The following PALM2AKAP2 variants were observed in gnomAD, a reference collection of about 807,000 sequenced individuals.
PALM2AKAP2 encodes the protein PALM2 and AKAP2 fusion, also known as PALM2-AKAP2 fusion protein.
PALM2AKAP2 carries 37 observed loss-of-function variants against 71.5 expected under a neutral mutation model. The ratio of observed to expected loss-of-function variants is 0.52; its 90% CI spans 0.40 to 0.68. The LOEUF is 0.68. Ranked by LOEUF, PALM2AKAP2 falls within the 30% of genes least tolerant of loss-of-function variation. The probability of loss-of-function intolerance (pLI) is 0.00; values close to 1 mark genes in which losing one functional copy is unlikely to be tolerated. For missense variants in PALM2AKAP2, 1,224 were observed against 1,191.8 expected (o/e 1.03, Z -0.40); for synonymous variants, 468 against 478.8 (o/e 0.98, Z 0.29).
At chr9:110,009,671 G>A (rs1008895461) in intron 6 of PALM2AKAP2, among the ~76,000 whole-genome samples, 1 of 145,164 alleles carries the variant, frequency 6.9e-6, no homozygotes, top group Non-Finnish European at 1.5e-5. Context: ...CTGAGATCAC[G>A]CCACTGCACT....
chr9:110,016,598 T>A (rs1832983908), intron 7 of PALM2AKAP2, among the ~76,000 whole-genome samples: 1 of 152,184 alleles, frequency 6.6e-6, no homozygotes, highest in South Asian at 2.1e-4. Context: ...TAACTATCAC[T>A]GTTCAAATTA....
At chr9:110,156,436 C>A (rs770039782) in exon 3 of PALM2AKAP2, 28 of 1,612,826 alleles carry the variant, frequency 1.7e-5, no homozygotes, top group Non-Finnish European at 2.4e-5. Context: ...CTGATGCAGA[C>A]CCTCATGGAA....
rs183348203 is a variant in PALM2AKAP2, at chr9:109,692,172, T to C, written c.5+51306T>C. 3.9e-3 allele frequency among the ~76,000 whole-genome samples: 591 copies of C among 151,414 alleles called. 5 individuals carry two copies. Among genetic ancestry groups the C allele is most frequent in the African/African-American group, 0.013 (523 of 41,404 alleles). Reference sequence around the variant, plus strand: ...AATGGTTTTTACTATATTCATAAAGTTGTGCAAAAATCACCATTTCATAGT... The same window carrying C: ...AATGGTTTTTACTATATTCATAAAGCTGTGCAAAAATCACCATTTCATAGT... On this transcript the variant is annotated intron_variant, in intron 1 of 6. Coordinates refer to the PALM2AKAP2 transcript ENST00000374531.
At chr9:110,030,658 C>T (rs1190200112) in intron 7 of PALM2AKAP2, among the ~76,000 whole-genome samples, 2 of 152,196 alleles carry the variant, frequency 1.3e-5, no homozygotes, top group African/African-American at 4.8e-5. Context: ...GCTCCTATCT[C>T]GATAAATTAT....
At chr9:109,889,386 C>G (rs1189807764) in intron 3 of PALM2AKAP2, among the ~76,000 whole-genome samples, 2 of 152,120 alleles carry the variant, frequency 1.3e-5, no homozygotes, top group Admixed American at 1.3e-4. Flanking sequence ...ACAGTCTCTC[C>G]CCAAAGCCTG....
In PALM2AKAP2 at chr9:110,168,578, G is replaced by C. The variant is rs1564345462; in HGVS notation, c.*81G>C. The C allele has an allele frequency of 4.0e-6, 6 of 1,501,456 alleles. No individual in the cohort carries two copies. In the East Asian group the frequency reaches 1.4e-4, roughly 35 times the overall value. The allele number at this position is 1,501,456 out of a possible 1,614,324, so 93.0% of individuals were successfully genotyped here. A position where few individuals can be genotyped will look rare whatever the true frequency, so the allele number is the denominator to read the frequency against. On this transcript the variant is annotated 3_prime_UTR_variant, in exon 4 of 4. Coordinates refer to ENST00000374525, the Ensembl canonical transcript of PALM2AKAP2. ...ATTAACAACTGAAAGCATTTTAATGGACTATTTATTAAAGTGCAAACAAAC... is the reference window on the plus strand; with the variant it reads ...ATTAACAACTGAAAGCATTTTAATGCACTATTTATTAAAGTGCAAACAAAC...
chr9:110,084,893 G>A (rs749530703), intron 1 of PALM2AKAP2, among the ~76,000 whole-genome samples: 6 of 148,380 alleles, frequency 4.0e-5, no homozygotes, highest in South Asian at 2.3e-4. Flanking sequence ...GTGCCACCAC[G>A]CCCAGCTGAT....
intron 1 of PALM2AKAP2, among the ~76,000 whole-genome samples, chr9:109,804,241 C>T (rs1827515422): frequency 6.6e-6 from 1 of 152,056 alleles, no homozygotes; most frequent in Non-Finnish European, 1.5e-5. Context: ...CAAAACAGAG[C>T]ATGGCATGGA....
At chr9:110,145,278 C>T (rs773980103) in intron 2 of PALM2AKAP2, among the ~76,000 whole-genome samples, 15 of 152,154 alleles carry the variant, frequency 9.9e-5, no homozygotes, top group Non-Finnish European at 1.6e-4. Flanking sequence ...TTACAGTAGG[C>T]AAAAGCACTC....
intron 1 of PALM2AKAP2, among the ~76,000 whole-genome samples, chr9:109,829,309 C>A (rs1342426500): frequency 6.6e-6 from 1 of 152,176 alleles, no homozygotes; most frequent in East Asian, 1.9e-4. Flanking sequence ...TGCATTCCAT[C>A]CAAGTATGTC....
exon 2 of PALM2AKAP2, chr9:110,136,336 G>A (rs1039345724): frequency 5.6e-6 from 9 of 1,613,928 alleles, no homozygotes; most frequent in Admixed American, 1.7e-5. Flanking sequence ...ATTCACCCCC[G>A]CATAATGGCC....
chr9:109,754,272 A>G (rs1414694430), intron 1 of PALM2AKAP2, among the ~76,000 whole-genome samples: 1 of 152,194 alleles, frequency 6.6e-6, no homozygotes, highest in Non-Finnish European at 1.5e-5. Flanking sequence ...CAGGACTACA[A>G]AGTAGAACTT....
intron 1 of PALM2AKAP2, among the ~76,000 whole-genome samples, chr9:109,741,354 T>A (rs1013256115): frequency 6.6e-6 from 1 of 152,236 alleles, no homozygotes; most frequent in African/African-American, 2.4e-5. Context: ...TTATTCATTT[T>A]CCTGTTGATG....
intron 6 of PALM2AKAP2, among the ~76,000 whole-genome samples, chr9:109,960,592 A>G (rs761901765): frequency 2.6e-5 from 4 of 152,192 alleles, no homozygotes; most frequent in Non-Finnish European, 5.9e-5. Context: ...AGTCTGCACA[A>G]CATAGCAGGA....
chr9:109,995,319 C>G (rs578154639), intron 6 of PALM2AKAP2, among the ~76,000 whole-genome samples: 2 of 152,188 alleles, frequency 1.3e-5, no homozygotes, highest in Non-Finnish European at 2.9e-5. Flanking sequence ...CAGAAAACCA[C>G]CTCCCAGACT....
Position 109,662,551 on chromosome 9 carries a change from C to T in PALM2AKAP2, c.5+21685C>T, listed in dbSNP as rs1241887699. 2.6e-5 allele frequency among the ~76,000 whole-genome samples: 4 copies of T among 152,140 alleles called. No individual in the cohort carries two copies. In the East Asian group the frequency reaches 7.7e-4, roughly 29 times the overall value. ...CATGGTGGATAAGCTTTTTGATGTGCTGCTGGATTTGGTTTGCCAGTATTT... is the reference window on the plus strand; with the variant it reads ...CATGGTGGATAAGCTTTTTGATGTGTTGCTGGATTTGGTTTGCCAGTATTT... On this transcript the variant is annotated intron_variant, in intron 1 of 6. Transcript: ENST00000374531.
At chr9:109,822,830 T>A (rs1308740797) in intron 1 of PALM2AKAP2, among the ~76,000 whole-genome samples, 1 of 152,194 alleles carries the variant, frequency 6.6e-6, no homozygotes, top group South Asian at 2.1e-4. Flanking sequence ...GATGAACATA[T>A]GTGTGCATGT....
chr9:110,005,436 C>T (rs1464083723), intron 6 of PALM2AKAP2, among the ~76,000 whole-genome samples: 1 of 152,226 alleles, frequency 6.6e-6, no homozygotes, highest in African/African-American at 2.4e-5. Context: ...GTCTGCCCCT[C>T]CTGGGGGGTG....
chr9:109,989,916 G>A (rs1488723734), intron 6 of PALM2AKAP2, among the ~76,000 whole-genome samples: 2 of 152,062 alleles, frequency 1.3e-5, no homozygotes, highest in African/African-American at 4.8e-5. Context: ...CGTCAGTTAA[G>A]GATTGTTTCT....
Sources: gnomAD v4.1 joint callset for allele counts (sites outside exome capture counted in the v4.1 genomes callset) on GRCh38, gnomAD v4.1.1 for gene constraint, MANE v1.5 for transcripts, NCBI Gene and HGNC (gene_info 2026-07-23, HGNC 2026-07-21) for gene names.